Variants in KIF11 observed in about 807,000 individuals in gnomAD.
KIF11 encodes the protein kinesin family member 11.
KIF11 carries 9 observed loss-of-function variants against 121.0 expected under a neutral mutation model. The observed-to-expected ratio is 0.07, with a 90% CI of 0.04 to 0.13. The LOEUF is 0.13. Ranked by LOEUF, KIF11 falls within the 10% of genes least tolerant of loss-of-function variation. KIF11 has a pLI of 1.00. For synonymous variants in KIF11, 408 were observed against 421.0 expected (o/e 0.97, Z 0.38); for missense variants, 846 against 1,217.5 (o/e 0.69, Z 4.54).
intron 1 of KIF11, among the ~76,000 whole-genome samples, chr10:92,599,524 C>CAAA (rs377476272): frequency 1.1e-5 from 1 of 92,418 alleles, no homozygotes. Context: ...GACTCTGTCT[C>CAAA]AAAAAAAAAA....
intron 14 of KIF11, among the ~76,000 whole-genome samples, chr10:92,634,961 A>C (rs142651004): frequency 6.6e-6 from 1 of 152,360 alleles, no homozygotes; most frequent in East Asian, 1.9e-4. Flanking sequence ...TCTGGGCCAT[A>C]ACTATAAATC....
At chr10:92,600,879 G>C (rs2135897233) in intron 1 of KIF11, among the ~76,000 whole-genome samples, 1 of 150,766 alleles carries the variant, frequency 6.6e-6, no homozygotes, top group South Asian at 2.1e-4. Flanking sequence ...TTCTTTTTTT[G>C]AGATGGAGTC....
intron 6 of KIF11, among the ~76,000 whole-genome samples, chr10:92,610,152 C>G (rs1170321048): frequency 6.6e-6 from 1 of 152,138 alleles, no homozygotes; most frequent in Non-Finnish European, 1.5e-5. Flanking sequence ...AGGCTTACCT[C>G]CTTAGCCTTA....
At chr10:92,599,467 G>A (rs1194396810) in intron 1 of KIF11, among the ~76,000 whole-genome samples, 1 of 149,386 alleles carries the variant, frequency 6.7e-6, no homozygotes, top group Non-Finnish European at 1.5e-5. Flanking sequence ...GGAGGTTGTG[G>A]TGAGCCAAGA....
At chr10:92,602,821 C>T (rs1189178424) in intron 1 of KIF11, among the ~76,000 whole-genome samples, 2 of 106,524 alleles carry the variant, frequency 1.9e-5, no homozygotes, top group Non-Finnish European at 3.4e-5. Flanking sequence ...CACACACACA[C>T]ACACGTGTGT....
intron 1 of KIF11, among the ~76,000 whole-genome samples, chr10:92,599,607 T>C (rs990198237): frequency 3.3e-5 from 5 of 151,626 alleles, no homozygotes; most frequent in Non-Finnish European, 7.4e-5. Flanking sequence ...AATTCACTTA[T>C]TAGTTCTAAC....
At position 92,631,659 on chromosome 10, in the gene KIF11, C is replaced by A. The variant is rs180769576; in HGVS notation, c.1495-827C>A. ...TACAGGCGTGAGCCACCGCGCCCGG[C>A]CTTTAATTTTTTATTAGTTGTACTT... On this transcript the variant is annotated intron_variant, in intron 12 of 21. Coordinates refer to ENST00000260731, the MANE Select transcript of KIF11 (RefSeq NM_004523.4). Among the ~76,000 whole-genome samples, 1,350 of 146,018 alleles carry A rather than the reference C, an allele frequency of 9.2e-3. 19 individuals are homozygous for A. The highest frequency in any genetic ancestry group is 0.032 in the African/African-American group (1,294 of 40,046).
intron 3 of KIF11, among the ~76,000 whole-genome samples, 190 bp from the exon 4 acceptor site, chr10:92,606,969 G>T (rs1844437236): frequency 6.6e-6 from 1 of 152,130 alleles, no homozygotes; most frequent in South Asian, 2.1e-4. Flanking sequence ...TAGAGACGTG[G>T]TTTCACTGTG....
rs747542284 is a variant in KIF11, at chr10:92,632,683, G to A, written c.1692G>A (p.Lys564=). ...AAAAGGCCATGCTAGAAGTACATAA[G>A]ACCTTATTTGGTAAGTTCAGGCTGT... is the stretch of plus-strand genomic sequence containing the variant. ...SKQKAMLEVH[K]TLFGNLLSSS... Residue 564 remains lysine, a synonymous_variant, in exon 13 of 22, where the codon AAG becomes AAA. Transcript: ENST00000260731. 9.4e-6 allele frequency: 15 copies of A among 1,599,480 alleles called. No homozygotes were observed. Among genetic ancestry groups the A allele is most frequent in the Non-Finnish European group, 1.3e-5 (15 of 1,171,436 alleles).
In KIF11 at chr10:92,648,332, A is replaced by C; in HGVS notation, c.2668A>C (p.Lys890Gln). Residue 890 changes from lysine to glutamine, a missense_variant, in exon 19 of 22, where the codon AAA (lysine) becomes CAA (glutamine). By Grantham distance (53) the Lys-to-Gln change is moderately conservative. Around this residue, in one of 5 missense-constraint regions of KIF11, gnomAD observed 492 missense variants for 603.4 expected, o/e 0.82. Transcript: ENST00000260731. The part of the protein sequence containing the change: ...FLDQMTIDED[K>Q]LIAQNLELNE... ...TGATCAGATGACTATTGATGAAGAT[A>C]AATTGATAGCACAAAATCTAGAACT... is the stretch of plus-strand genomic sequence containing the variant. 6.2e-7 allele frequency: 1 copy of C among 1,612,684 alleles called. No individual in the cohort carries two copies. The highest frequency in any genetic ancestry group is 8.5e-7 in the Non-Finnish European group (1 of 1,178,760).
Position 92,653,960 on chromosome 10 carries a change from G to A in KIF11, c.*164G>A. ...GCACTTTGGGAGGCTGAGGCGGGTG[G>A]ATTGCTTGAGCCCAGGAGTTTGAGA... is the stretch of plus-strand genomic sequence containing the variant. On this transcript the variant is annotated 3_prime_UTR_variant, in exon 22 of 22. Coordinates refer to ENST00000260731, the MANE Select transcript of KIF11 (RefSeq NM_004523.4). The A allele has an allele frequency of 2.0e-6, 1 of 495,186 alleles. No individual in the cohort carries two copies. The highest frequency in any genetic ancestry group is 3.5e-6 in the Non-Finnish European group (1 of 287,930). 30.7% of individuals were successfully genotyped at this position (495,186 alleles called of 1,614,324 possible).
intron 9 of KIF11, among the ~76,000 whole-genome samples, chr10:92,618,661 A>G (rs1457460919): frequency 6.6e-6 from 1 of 151,742 alleles, no homozygotes; most frequent in Non-Finnish European, 1.5e-5. Context: ...AAAAAAAGAA[A>G]AAAAGTAATA....
At chr10:92,649,440 A>G (rs563863166) in intron 19 of KIF11, among the ~76,000 whole-genome samples, 50 of 152,184 alleles carry the variant, frequency 3.3e-4, no homozygotes, top group Non-Finnish European at 5.1e-4. Context: ...TAACTAGTTA[A>G]TATTTAACCA....
At chr10:92,594,094 CA>C (rs1178207271) in intron 1 of KIF11, among the ~76,000 whole-genome samples, 1 of 152,120 alleles carries the variant, frequency 6.6e-6, no homozygotes, top group Non-Finnish European at 1.5e-5. Context: ...AATAACTTCC[CA>C]ATTTTAAAAT....
Position 92,653,702 on chromosome 10 carries a change from G to A in KIF11, c.3077G>A (p.Gly1026Asp), listed in dbSNP as rs751639011. The change falls in exon 22 of 22, where the codon GGC becomes GAC. Residue 1026 changes from glycine to aspartate, a missense_variant. Coordinates refer to ENST00000260731, the MANE Select transcript of KIF11 (RefSeq NM_004523.4). ...CATGGAAAAGACAAAGAAAACAGAG[G>A]CATTAACACACTGGAGAGGTCTAAA... ...KSHGKDKENR[G>D]INTLERSKVE... is the part of the protein sequence containing the mutation. The A allele has an allele frequency of 1.9e-6, 3 of 1,612,930 alleles. No individual in the cohort carries two copies. In the African/African-American group the frequency reaches 4.0e-5, roughly 22 times the overall value.
intron 4 of KIF11, among the ~76,000 whole-genome samples, chr10:92,608,050 G>A (rs1302923646): frequency 1.4e-5 from 2 of 140,982 alleles, no homozygotes; most frequent in Non-Finnish European, 3.0e-5. Context: ...AGCTACCTGA[G>A]AACGAGACTC....
chr10:92,646,127 T>C (rs557010816), intron 18 of KIF11, among the ~76,000 whole-genome samples: 24 of 152,170 alleles, frequency 1.6e-4, no homozygotes, highest in South Asian at 1.0e-3. Flanking sequence ...AATTTTTTTG[T>C]ATTTTTAGTA....
In KIF11 at chr10:92,613,322, T is replaced by A; in HGVS notation, c.790-55T>A. On this transcript the variant is annotated intron_variant, in intron 7 of 21. Coordinates refer to ENST00000260731, the MANE Select transcript of KIF11 (RefSeq NM_004523.4). This position sits in a 1 kb window ranked among gnomAD's most constrained non-coding sequence, Gnocchi z 4.2. The stretch of plus-strand genomic sequence containing the variant: ...ATTATGTATCCTGTGAGAATGAAAG[T>A]CTTTGAATCCAAATCCAATAGACTC... 1 of 1,305,186 alleles carries A rather than the reference T, an allele frequency of 7.7e-7. No individual in the cohort carries two copies. Among genetic ancestry groups the A allele is most frequent in the Admixed American group, 2.5e-5 (1 of 40,118 alleles). The allele number at this position is 1,305,186 out of a possible 1,614,324, so 80.9% of individuals were successfully genotyped here.
chr10:92,595,817 A>T (rs1250350575), intron 1 of KIF11, among the ~76,000 whole-genome samples: 1 of 152,140 alleles, frequency 6.6e-6, no homozygotes, highest in Non-Finnish European at 1.5e-5. Context: ...GTGGAGTCAT[A>T]ATACAGTATT....
Sources: allele counts gnomAD v4.1 joint callset (sites outside exome capture counted in the v4.1 genomes callset), GRCh38; gene constraint gnomAD v4.1.1; regional missense constraint gnomAD v4.1.1; non-coding constraint Gnocchi (gnomAD v3.1); transcripts MANE v1.5; gene names NCBI Gene and HGNC (gene_info 2026-07-23, HGNC 2026-07-21).